Variants in RAB37 observed in about 807,000 individuals in gnomAD.
RAB37 encodes the protein RAB37, member RAS oncogene family.
A neutral mutation model predicts 33.1 loss-of-function variants in RAB37; 29 were observed. The observed-to-expected ratio is 0.88, with a 90% CI of 0.65 to 1.20. The LOEUF (loss-of-function observed/expected upper bound fraction) is 1.20, where lower values mean the gene tolerates loss of function less well. RAB37 is among the 50% of genes most tolerant of loss of function. The pLI, the probability that RAB37 is intolerant of heterozygous loss-of-function variation, is 0.00. For synonymous variants in RAB37, 128 were observed against 119.5 expected (o/e 1.07, Z -0.47); for missense variants, 299 against 301.1 (o/e 0.99, Z 0.05).
intron 1 of RAB37, among the ~76,000 whole-genome samples, chr17:74,689,043 C>T (rs2032110595): frequency 2.0e-5 from 3 of 152,114 alleles, no homozygotes; most frequent in Admixed American, 6.6e-5. Flanking sequence ...GGCTCAAACC[C>T]GTAATCTCAG....
At chr17:74,715,063 A>G (rs1308869360) in intron 1 of RAB37, among the ~76,000 whole-genome samples, 4 of 152,230 alleles carry the variant, frequency 2.6e-5, no homozygotes, top group Non-Finnish European at 5.9e-5. Context: ...TGGAGATTGC[A>G]GTGAGCTGAG....
intron 1 of RAB37, among the ~76,000 whole-genome samples, chr17:74,701,235 T>C (rs1488298887): frequency 6.6e-6 from 1 of 152,368 alleles, no homozygotes; most frequent in East Asian, 1.9e-4. Context: ...AGTCAATTAA[T>C]TGTGTCAACC....
At chr17:74,694,136 A>G (rs1046808654) in intron 1 of RAB37, among the ~76,000 whole-genome samples, 4 of 152,136 alleles carry the variant, frequency 2.6e-5, no homozygotes, top group Non-Finnish European at 5.9e-5. Context: ...GGTTCAAGTC[A>G]CTGAACCTCT....
At chr17:74,694,139 G>A (rs1248571986) in intron 1 of RAB37, among the ~76,000 whole-genome samples, 1 of 152,058 alleles carries the variant, frequency 6.6e-6, no homozygotes, top group Non-Finnish European at 1.5e-5. Context: ...TCAAGTCACT[G>A]AACCTCTCCA....
rs564421873 is a variant in RAB37, at chr17:74,695,959, G to C, written c.72+24301G>C. 7.8e-6 allele frequency: 11 copies of C among 1,410,994 alleles called. No individual in the cohort carries two copies. In the South Asian group the frequency reaches 1.5e-4, roughly 19 times the overall value. The allele number at this position is 1,410,994 out of a possible 1,614,324, so 87.4% of individuals were successfully genotyped here. A position where few individuals can be genotyped will look rare whatever the true frequency, so the allele number is the denominator to read the frequency against. On this transcript the variant is annotated intron_variant, in intron 1 of 7. Transcript: ENST00000340415. ...GGACGAGAGCCTCTCCACTTCCCCA[G>C]GTGCCCCTCTCCCATTTCCCTCCGT...
At position 74,677,154 on chromosome 17, in the gene RAB37, C is replaced by CA. The variant is rs548969766; in HGVS notation, c.72+5504dup. On this transcript the variant is annotated intron_variant, in intron 1 of 7. Transcript: ENST00000340415. ...GACAGAGTGAGACTCTGTCCCCCCA[C>CA]AAAAAAAATTAAAATTAAAAAATAA... Among the ~76,000 whole-genome samples the CA allele has an allele frequency of 2.0e-3, 305 of 151,374 alleles. 1 individual carries two copies. The highest frequency in any genetic ancestry group is 6.6e-3 in the African/African-American group (273 of 41,276).
In RAB37 at chr17:74,742,521, T is replaced by G. The variant is rs1421382141; in HGVS notation, c.246+226T>G. Among the ~76,000 whole-genome samples the G allele has an allele frequency of 1.3e-5, 2 of 152,214 alleles. No individual in the cohort carries two copies. The highest frequency in any genetic ancestry group is 4.8e-5 in the African/African-American group (2 of 41,450). On this transcript the variant is annotated intron_variant, in intron 3 of 8. Transcript: ENST00000392613. This position sits in a 1 kb window ranked among gnomAD's most constrained non-coding sequence, Gnocchi z 4.0. ...CAAATGCCTTCAGACAAGCTTAGCC[T>G]CCATCCATCTCCTCCCCAGTTGCCA...
In RAB37 at chr17:74,671,586, C is replaced by T. The variant is rs1344097670; in HGVS notation, c.-1C>T. 2 of 1,614,016 alleles carry T rather than the reference C, an allele frequency of 1.2e-6. No individual in the cohort carries two copies. The highest frequency in any genetic ancestry group is 1.7e-6 in the Non-Finnish European group (2 of 1,179,986). On this transcript the variant is annotated 5_prime_UTR_variant, in exon 1 of 8. Coordinates refer to the RAB37 transcript ENST00000340415. The surrounding 1 kb of genome is among the most constrained non-coding windows in gnomAD (Gnocchi z 5.0). ...CCGGAGCGGCGAGCTCCAAGCCTGGCATGGACCTGCAGAGACCCGATTCCT... is the reference window on the plus strand; with the variant it reads ...CCGGAGCGGCGAGCTCCAAGCCTGGTATGGACCTGCAGAGACCCGATTCCT...
At chr17:74,721,770 G>A (rs748382958) in intron 1 of RAB37, among the ~76,000 whole-genome samples, 3 of 152,084 alleles carry the variant, frequency 2.0e-5, no homozygotes, top group Non-Finnish European at 4.4e-5. Context: ...GAGTTGCTGA[G>A]TCAAAGGAAT....
intron 1 of RAB37, among the ~76,000 whole-genome samples, chr17:74,715,295 G>A (rs1249006383): frequency 6.6e-6 from 1 of 152,200 alleles, no homozygotes; most frequent in Non-Finnish European, 1.5e-5. Flanking sequence ...TGGGTGTGCA[G>A]AGGGTTATTT....
Position 74,721,645 on chromosome 17 carries a change from C to T in RAB37, c.73-7611C>T, listed in dbSNP as rs145753372. Reference sequence around the variant, plus strand: ...ACAGGGTTTCCCTATGTTGGTCAGGCTGGTCTCAAACTCCCAACCTCAGGT... The same window carrying T: ...ACAGGGTTTCCCTATGTTGGTCAGGTTGGTCTCAAACTCCCAACCTCAGGT... On this transcript the variant is annotated intron_variant, in intron 1 of 7. Coordinates refer to the RAB37 transcript ENST00000340415. Among the ~76,000 whole-genome samples, 1,287 of 152,202 alleles carry T rather than the reference C, an allele frequency of 8.5e-3. 9 individuals are homozygous for T. The highest frequency in any genetic ancestry group is 0.015 in the Non-Finnish European group (1,003 of 68,012).
rs1354008823 is a variant in RAB37 at position 74,745,147 on chromosome 17, G to C, written c.566+63G>C. 2.5e-6 allele frequency: 4 copies of C among 1,588,552 alleles called. No homozygotes were observed. In the East Asian group the frequency reaches 9.0e-5, roughly 36 times the overall value. On this transcript the variant is annotated intron_variant, in intron 8 of 8. Transcript: ENST00000392613. The surrounding 1 kb of genome is among the most constrained non-coding windows in gnomAD (Gnocchi z 4.5). ...GGCGGCACACTCCAGGAATCCAGTA[G>C]GGCCCGGCCCCTGGCCCAGCCCCTG... is the stretch of plus-strand genomic sequence containing the variant.
At chr17:74,735,684 C>T (rs1237444969), upstream of RAB37, among the ~76,000 whole-genome samples, 1 of 152,218 alleles carries the variant, frequency 6.6e-6, no homozygotes, top group Non-Finnish European at 1.5e-5. Flanking sequence ...CGCCCTATGC[C>T]CAGCTGAGGT....
chr17:74,736,513 C>T (rs1458288246), upstream of RAB37: 7 of 1,426,692 alleles, frequency 4.9e-6, no homozygotes, highest in East Asian at 1.8e-4. Context: ...TCCTCGGGGC[C>T]AGGGTGAGTG....
rs529919967 is a variant in RAB37 at position 74,671,585 on chromosome 17, G to T, written c.-2G>T. On this transcript the variant is annotated 5_prime_UTR_variant, in exon 1 of 8. Transcript: ENST00000340415. This position sits in a 1 kb window ranked among gnomAD's most constrained non-coding sequence, Gnocchi z 5.0. ...GCCGGAGCGGCGAGCTCCAAGCCTG[G>T]CATGGACCTGCAGAGACCCGATTCC... 161 of 1,614,142 alleles carry T rather than the reference G, an allele frequency of 1.0e-4. 2 individuals are homozygous for T. The South Asian group carries it at 1.6e-3, about 17-fold the overall frequency.
intron 1 of RAB37, among the ~76,000 whole-genome samples, chr17:74,697,196 A>T (rs2032571085): frequency 6.6e-6 from 1 of 152,124 alleles, no homozygotes; most frequent in Non-Finnish European, 1.5e-5. Flanking sequence ...CACCCGCCTC[A>T]ACCTCCCTAA....
intron 1 of RAB37, among the ~76,000 whole-genome samples, chr17:74,707,859 T>G (rs1304909222): frequency 6.6e-6 from 1 of 152,052 alleles, no homozygotes; most frequent in East Asian, 1.9e-4. Context: ...CAATTTGAGA[T>G]GGAATAAACA....
intron 1 of RAB37, among the ~76,000 whole-genome samples, chr17:74,675,924 T>C (rs2031821591): frequency 6.6e-6 from 1 of 152,140 alleles, no homozygotes; most frequent in Admixed American, 6.5e-5. Flanking sequence ...AGTTTTTAAA[T>C]AGAGTTGTTG....
At chr17:74,697,009 T>C (rs2032551083) in intron 1 of RAB37, among the ~76,000 whole-genome samples, 1 of 152,156 alleles carries the variant, frequency 6.6e-6, no homozygotes, top group South Asian at 2.1e-4. Context: ...TGGCACCATC[T>C]TGGCTCACTG....
Sources: gnomAD v4.1 joint callset for allele counts (sites outside exome capture counted in the v4.1 genomes callset) on GRCh38, gnomAD v4.1.1 for gene constraint, Gnocchi (gnomAD v3.1) non-coding constraint, MANE v1.5 for transcripts, NCBI Gene and HGNC (gene_info 2026-07-23, HGNC 2026-07-21) for gene names.